Variants in DHX36 observed in about 807,000 individuals in gnomAD.
DHX36 encodes the protein DEAH-box helicase 36.
In DHX36, 50 loss-of-function variants were observed where a neutral mutation model predicts 139.0. That is an observed-to-expected ratio of 0.36 (90% CI 0.29 to 0.46). DHX36 has a LOEUF of 0.46. Among genes scored for constraint, DHX36 ranks in the 20% least tolerant of loss-of-function variants. The pLI is 1.00. For missense variants in DHX36, 1,024 were observed against 1,211.3 expected (o/e 0.85, Z 2.29); for synonymous variants, 425 against 401.9 (o/e 1.06, Z -0.69).
intron 1 of DHX36, among the ~76,000 whole-genome samples, chr3:154,323,038 AAAAAT>A (rs1337830727): frequency 6.6e-6 from 1 of 152,232 alleles, no homozygotes; most frequent in African/African-American, 2.4e-5. Context: ...GGAACGGTTT[AAAAAT>A]AGTAGTCTAG....
intron 12 of DHX36, among the ~76,000 whole-genome samples, chr3:154,299,509 T>C (rs1441383547): frequency 6.6e-6 from 1 of 152,170 alleles, no homozygotes; most frequent in Non-Finnish European, 1.5e-5. Flanking sequence ...GGGGTGATGA[T>C]GGGGTCTAGG....
chr3:154,276,631 A>G, intron 24 of DHX36, 116 bp downstream of exon 24: 1 of 1,175,012 alleles, frequency 8.5e-7, no homozygotes, highest in Non-Finnish European at 1.2e-6. Context: ...TTTCAAAATT[A>G]TTTGCTCTGC....
intron 15 of DHX36, among the ~76,000 whole-genome samples, 182 bp from the exon 16 acceptor site, chr3:154,290,008 A>G (rs893497459): frequency 5.3e-5 from 8 of 152,066 alleles, no homozygotes; most frequent in African/African-American, 1.9e-4. Context: ...TGTTTAGAAA[A>G]ACGTTATACC....
chr3:154,320,855 A>G (rs1372658661), intron 1 of DHX36, among the ~76,000 whole-genome samples: 1 of 152,236 alleles, frequency 6.6e-6, no homozygotes, highest in Non-Finnish European at 1.5e-5. Flanking sequence ...CCCCTGAACC[A>G]GGATTACCTC....
At chr3:154,291,288 T>G (rs1711802084) in intron 15 of DHX36, among the ~76,000 whole-genome samples, 1 of 152,116 alleles carries the variant, frequency 6.6e-6, no homozygotes, top group African/African-American at 2.4e-5. Flanking sequence ...AAACAGCAAT[T>G]CCACAGTTAA....
chr3:154,301,101 C>T lies in DHX36; in HGVS notation c.1244G>A (p.Arg415Lys), dbSNP rs1204957832. The T allele has an allele frequency of 6.2e-7, 1 of 1,604,116 alleles. No individual in the cohort carries two copies. Among genetic ancestry groups the T allele is most frequent in the African/African-American group, 1.3e-5 (1 of 74,092 alleles). Residue 415 changes from arginine to lysine, a missense_variant, in exon 10 of 25, where the codon AGA becomes AAA. Around this residue, in one of 4 missense-constraint regions of DHX36, gnomAD observed 115 missense variants for 105.6 expected, o/e 1.09. Transcript: ENST00000496811. ...CATGAAACCCCTCTTAAACTGGGATCTGTGTTCTTTTTGTTCTGGAACATA... is the reference window on the plus strand; with the variant it reads ...CATGAAACCCCTCTTAAACTGGGATTTGTGTTCTTTTTGTTCTGGAACATA... ...IRYVPEQKEHRSQFKRGFMQG... is the reference protein window; with the variant it reads ...IRYVPEQKEHKSQFKRGFMQG...
chr3:154,284,004 A>G (rs1374946592), intron 19 of DHX36, among the ~76,000 whole-genome samples: 3 of 152,152 alleles, frequency 2.0e-5, no homozygotes, highest in Non-Finnish European at 4.4e-5. Context: ...TTAAATACAA[A>G]ATTTTAAAAT....
chr3:154,301,214 C>T, intron 9 of DHX36, 87 bp from the exon 10 acceptor site: 1 of 1,305,102 alleles, frequency 7.7e-7, no homozygotes, highest in Non-Finnish European at 1.0e-6. Flanking sequence ...TTAGGATTTT[C>T]AAAAAGGATT....
Position 154,312,916 on chromosome 3 carries a change from CTG to C in DHX36, c.604-1244_604-1243del, listed in dbSNP as rs1228499353. Among the ~76,000 whole-genome samples the C allele has an allele frequency of 4.0e-4, 37 of 93,544 alleles. No individual in the cohort carries two copies. In the South Asian group the frequency reaches 5.2e-3, roughly 13 times the overall value. The allele number at this position is 93,544 out of a possible 152,430, so 61.4% of individuals were successfully genotyped here. ...ATATATATATAAAATAAATAAAGAA[CTG>C]TCTTTGGTAATCTAGTATTATATTA... On this transcript the variant is annotated intron_variant, in intron 3 of 24. Transcript: ENST00000496811.
At chr3:154,302,595 C>T (rs564865395) in intron 9 of DHX36, among the ~76,000 whole-genome samples, 3 of 152,146 alleles carry the variant, frequency 2.0e-5, no homozygotes, top group South Asian at 4.1e-4. Context: ...TACAGAACTA[C>T]AGTTAGGGAT....
In DHX36 at chr3:154,280,676, G is replaced by T. The variant is rs112993756; in HGVS notation, c.2477-7C>A. 539 of 1,609,688 alleles carry T rather than the reference G, an allele frequency of 3.3e-4. 4 individuals are homozygous for T. The African/African-American group carries it at 6.2e-3, about 18-fold the overall frequency. ...TTAATTATCTTCTCATTATCTATGG[G>T]GGGTGAGAAGGTAGAGGGGAAAAGA... is the stretch of plus-strand genomic sequence containing the variant. On this transcript the variant is annotated splice_region_variant and splice_polypyrimidine_tract_variant and intron_variant, in intron 21 of 24. Coordinates refer to ENST00000496811, the MANE Select transcript of DHX36 (RefSeq NM_020865.3).
chr3:154,311,299 T>C (rs1419440043), intron 4 of DHX36, among the ~76,000 whole-genome samples: 2 of 152,132 alleles, frequency 1.3e-5, no homozygotes, highest in Non-Finnish European at 2.9e-5. Flanking sequence ...TGTACATTGA[T>C]TTTAATTAAT....
chr3:154,298,304 A>T (rs915555611), intron 12 of DHX36, among the ~76,000 whole-genome samples: 11 of 152,184 alleles, frequency 7.2e-5, no homozygotes, highest in African/African-American at 2.4e-4. Context: ...TTATAAGTAC[A>T]CTATACAATA....
chr3:154,310,927 G>C lies in DHX36; in HGVS notation c.642+709C>G, dbSNP rs988359549. On this transcript the variant is annotated intron_variant, in intron 4 of 24. Coordinates refer to ENST00000496811, the MANE Select transcript of DHX36 (RefSeq NM_020865.3). Reference sequence around the variant, plus strand: ...CATAGATGTGTATATATCAGAAAAAGTTTTAAGTTTGAACACTGAAATTAT... The same window carrying C: ...CATAGATGTGTATATATCAGAAAAACTTTTAAGTTTGAACACTGAAATTAT... Among the ~76,000 whole-genome samples, 8 of 139,616 alleles carry C rather than the reference G, an allele frequency of 5.7e-5. No individual in the cohort carries two copies. The East Asian group carries it at 1.7e-3, about 29-fold the overall frequency. 91.6% of individuals were successfully genotyped at this position (139,616 alleles called of 152,430 possible).
In DHX36 at chr3:154,274,185, A is replaced by C. The variant is rs403132; in HGVS notation, c.*1986T>G. ...TAGCTGGGTGTGGTGATGCATGCCT[A>C]TAGTCCCAGCTATTTGGGAGGCTGA... On this transcript the variant is annotated 3_prime_UTR_variant, in exon 25 of 25. Coordinates refer to ENST00000496811, the MANE Select transcript of DHX36 (RefSeq NM_020865.3). The C allele has an allele frequency of 6.5e-6, 1 of 152,860 alleles. No homozygotes were observed. The highest frequency in any genetic ancestry group is 2.4e-5 in the African/African-American group (1 of 41,416). 9.5% of individuals were successfully genotyped at this position (152,860 alleles called of 1,614,324 possible). A position where few individuals can be genotyped will look rare whatever the true frequency, so the allele number is the denominator to read the frequency against.
intron 5 of DHX36, among the ~76,000 whole-genome samples, chr3:154,308,227 T>C (rs1712584662): frequency 1.3e-5 from 2 of 152,172 alleles, no homozygotes; most frequent in South Asian, 2.1e-4. Context: ...ACACTTCTTT[T>C]TAAAAAGGGG....
At chr3:154,300,215 G>GT (rs1175880577) in intron 11 of DHX36, among the ~76,000 whole-genome samples, 4 of 152,088 alleles carry the variant, frequency 2.6e-5, no homozygotes, top group Admixed American at 2.0e-4. Context: ...TTACAGGCCT[G>GT]TGTCACCACG....
At position 154,289,713 on chromosome 3, in the gene DHX36, A is replaced by G. The variant is rs1211525526; in HGVS notation, c.1928T>C (p.Ile643Thr). 6.3e-7 allele frequency: 1 copy of G among 1,579,236 alleles called. No homozygotes were observed. The highest frequency in any genetic ancestry group is 8.7e-7 in the Non-Finnish European group (1 of 1,149,924). ...RTPLEELCLQ[I>T]KILRLGGIAY... ...TCATTCTCCCACCTAATTTACCTTT[A>G]TTTGTAAACAAAGTTCTTCCAAAGG... Residue 643 changes from isoleucine (I) to threonine (T), a missense_variant, in exon 16 of 25, where the codon ATA becomes ACA. Ile to Thr is a moderately conservative substitution (Grantham distance 89, BLOSUM62 -1). Around this residue, in one of 4 missense-constraint regions of DHX36, gnomAD observed 470 missense variants for 616.2 expected, o/e 0.76. Transcript: ENST00000496811.
intron 9 of DHX36, 54 bp from the exon 10 acceptor site, chr3:154,301,181 C>G: frequency 2.0e-6 from 3 of 1,490,108 alleles, no homozygotes; most frequent in South Asian, 1.3e-5. Flanking sequence ...CTAGTTTTAG[C>G]TAAAATCTGT....
Sources: allele counts gnomAD v4.1 joint callset (sites outside exome capture counted in the v4.1 genomes callset), GRCh38; gene constraint gnomAD v4.1.1; regional missense constraint gnomAD v4.1.1; transcripts MANE v1.5; gene names NCBI Gene and HGNC (gene_info 2026-07-23, HGNC 2026-07-21).